The following ADGRV1 variants were observed in gnomAD, a reference collection of about 807,000 sequenced individuals.
ADGRV1 encodes G-protein coupled receptor 98.
Under a neutral mutation model 596.2 loss-of-function variants are expected in ADGRV1, and 359 were observed. The ratio of observed to expected loss-of-function variants is 0.60; its 90% confidence interval spans 0.55 to 0.66. The LOEUF is 0.66. Ranked by LOEUF, ADGRV1 falls within the 30% of genes least tolerant of loss-of-function variation. The probability of loss-of-function intolerance (pLI) is 0.00; values close to 1 mark genes in which losing one functional copy is unlikely to be tolerated. For missense variants in ADGRV1, 7,274 were observed against 7,575.6 expected (o/e 0.96, Z 1.48); for synonymous variants, 2,681 against 2,679.2 (o/e 1.00, Z -0.02).
At chr5:90,807,997 G>C (rs1205107216) in intron 73 of ADGRV1, among the ~76,000 whole-genome samples, 2 of 152,200 alleles carry the variant, frequency 1.3e-5, no homozygotes, top group Non-Finnish European at 2.9e-5. Flanking sequence ...TAAGAGCCAT[G>C]ATGGCAGTTC....
intron 83 of ADGRV1, among the ~76,000 whole-genome samples, chr5:90,891,117 T>G (rs1353264115): frequency 6.7e-6 from 1 of 149,724 alleles, no homozygotes; most frequent in Non-Finnish European, 1.5e-5. Flanking sequence ...TTTGAAAAAA[T>G]ATGGAAAATT....
chr5:91,044,129 A>T (rs2151285718), intron 85 of ADGRV1, among the ~76,000 whole-genome samples: 1 of 152,266 alleles, frequency 6.6e-6, no homozygotes, highest in East Asian at 1.9e-4. Flanking sequence ...GAATCTCTCT[A>T]TCAGAACTCT....
chr5:91,048,416 CCT>C (rs2033515247), intron 85 of ADGRV1, among the ~76,000 whole-genome samples: 1 of 152,222 alleles, frequency 6.6e-6, no homozygotes, highest in African/African-American at 2.4e-5. Context: ...AACCTAACCA[CCT>C]CTTTTTCTAG....
intron 61 of ADGRV1, among the ~76,000 whole-genome samples, chr5:90,776,894 G>A (rs1037699687): frequency 6.6e-6 from 1 of 152,092 alleles, no homozygotes; most frequent in Admixed American, 6.6e-5. Flanking sequence ...TGTGATATAA[G>A]GGAGTTATTT....
intron 60 of ADGRV1, among the ~76,000 whole-genome samples, chr5:90,774,764 T>G (rs1758048488): frequency 6.6e-6 from 1 of 152,206 alleles, no homozygotes; most frequent in Admixed American, 6.5e-5. Flanking sequence ...ACATGCTAAA[T>G]GTAATCTGTT....
At chr5:90,715,982 G>A (rs1284352593) in intron 42 of ADGRV1, among the ~76,000 whole-genome samples, 1 of 152,132 alleles carries the variant, frequency 6.6e-6, no homozygotes, top group Non-Finnish European at 1.5e-5. Flanking sequence ...TACTCAGCTT[G>A]CTTTGTGTTC....
intron 83 of ADGRV1, among the ~76,000 whole-genome samples, chr5:90,956,160 G>C: frequency 6.6e-6 from 1 of 152,024 alleles, no homozygotes; most frequent in East Asian, 1.9e-4. Flanking sequence ...ATTTTCAATT[G>C]ATAACTTATG....
rs4916817 is a variant in ADGRV1 at position 90,738,508 on chromosome 5, A to G, written c.10550-6538A>G. 9.1e-3 allele frequency among the ~76,000 whole-genome samples: 1,392 copies of G among 152,258 alleles called. 53 individuals carry two copies. The highest frequency in any genetic ancestry group is 0.061 in the Admixed American group (940 of 15,298). ...CTATAGAGCAGGCCGAGTGGTAACA[A>G]ACTCTCTTAGCTTTTGTCTGGGAAA... On this transcript the variant is annotated intron_variant, in intron 50 of 89. Coordinates refer to ENST00000405460, the MANE Select transcript of ADGRV1 (RefSeq NM_032119.4).
intron 85 of ADGRV1, among the ~76,000 whole-genome samples, chr5:90,991,197 A>G (rs1164400451): frequency 6.6e-6 from 1 of 152,222 alleles, no homozygotes; most frequent in Non-Finnish European, 1.5e-5. Flanking sequence ...ATAAATGTCA[A>G]TAACAGTAAA....
chr5:90,629,468 A>T lies in ADGRV1; in HGVS notation c.1768A>T (p.Thr590Ser). 1 of 1,613,492 alleles carries T rather than the reference A, an allele frequency of 6.2e-7. No homozygotes were observed. Residue 590 changes from threonine to serine, a missense_variant, in exon 9 of 90, where the codon ACT (threonine) becomes TCT (serine). Transcript: ENST00000405460. ...TGACCTCATTTTTCCAGAGCAAAAA[A>T]CTCAAGTCACTACAAAATTACCAAT... The part of the protein sequence containing the change: ...RNDLIFPEQK[T>S]QVTTKLPIRN...
At chr5:91,000,248 C>A (rs1290569408) in intron 85 of ADGRV1, among the ~76,000 whole-genome samples, 2 of 152,032 alleles carry the variant, frequency 1.3e-5, no homozygotes, top group Admixed American at 6.6e-5. Context: ...TATACCTCAG[C>A]ATTTTTTAAT....
chr5:91,025,420 A>G (rs1391604759), intron 85 of ADGRV1, among the ~76,000 whole-genome samples: 1 of 152,136 alleles, frequency 6.6e-6, no homozygotes, highest in Admixed American at 6.6e-5. Flanking sequence ...ATGCATAACT[A>G]CTACCCAAAA....
rs367988858 is a variant in ADGRV1, at chr5:90,694,183, A to G, written c.7427A>G (p.Asn2476Ser). ...TCATGGATCAGCCCAGCTGTCAACA[A>G]TTCAGACTTCTGGACCTACAGGAAA... Reference protein sequence around the residue: ...MTSWISPAVNNSDFWTYRKNM... With the variant: ...MTSWISPAVNSSDFWTYRKNM... Residue 2476 changes from asparagine to serine, a missense_variant, in exon 33 of 90, where the codon AAT (asparagine) becomes AGT (serine). Around this residue, in one of 5 missense-constraint regions of ADGRV1, gnomAD observed 3,643 missense variants for 3,809.2 expected, o/e 0.96. Transcript: ENST00000405460. 6.8e-6 allele frequency: 11 copies of G among 1,613,898 alleles called. No homozygotes were observed. The highest frequency in any genetic ancestry group is 1.1e-5 in the South Asian group (1 of 91,084).
intron 75 of ADGRV1, among the ~76,000 whole-genome samples, chr5:90,815,972 T>C (rs1433520839): frequency 6.6e-6 from 1 of 152,208 alleles, no homozygotes; most frequent in Non-Finnish European, 1.5e-5. Context: ...TATCAGACTA[T>C]GTAGGTCATC....
Position 90,635,279 on chromosome 5 carries a change from G to C in ADGRV1, c.2005G>C (p.Ala669Pro), listed in dbSNP as rs1480960138. The change falls in exon 10 of 90, where the codon GCT (alanine) becomes CCT (proline). Residue 669 changes from alanine to proline, a missense_variant. By Grantham distance (27) the Ala-to-Pro change is conservative. Around this residue, in one of 5 missense-constraint regions of ADGRV1, gnomAD observed 1,715 missense variants for 1,708.8 expected, o/e 1.00. Transcript: ENST00000405460. ...PIILHEPEDF[A>P]AEVVYIPLHR... is the part of the protein sequence containing the mutation. ...TATTTTGCATGAACCAGAAGATTTT[G>C]CTGCTGAAGTGGTAAGTAGGCTCTT... 1 of 1,610,580 alleles carries C rather than the reference G, an allele frequency of 6.2e-7. No homozygotes were observed. The highest frequency in any genetic ancestry group is 8.5e-7 in the Non-Finnish European group (1 of 1,178,404).
Position 91,163,888 on chromosome 5 carries a change from C to T in ADGRV1, c.18909C>T (p.Asp6303=), listed in dbSNP as rs1414239664. ...IVELRRIPIA[D]THL ...AGCTCAGGAGGATACCCATCGCCGACACTCACCTGTAGCACCTCACTAACC... is the reference window on the plus strand; with the variant it reads ...AGCTCAGGAGGATACCCATCGCCGATACTCACCTGTAGCACCTCACTAACC... The change falls in exon 90 of 90, where the codon GAC becomes GAT. Residue 6303 remains aspartate, a synonymous_variant. Transcript: ENST00000405460. The T allele has an allele frequency of 1.9e-6, 3 of 1,541,592 alleles. No homozygotes were observed. Among genetic ancestry groups the T allele is most frequent in the Non-Finnish European group, 1.8e-6 (2 of 1,116,820 alleles).
At chr5:90,813,867 A>G (rs1762674882) in intron 74 of ADGRV1, among the ~76,000 whole-genome samples, 1 of 152,218 alleles carries the variant, frequency 6.6e-6, no homozygotes, top group African/African-American at 2.4e-5. Flanking sequence ...GTCAGGGAAA[A>G]AATAGTTTAT....
At chr5:90,880,517 T>C (rs1379068456) in intron 83 of ADGRV1, among the ~76,000 whole-genome samples, 1 of 152,218 alleles carries the variant, frequency 6.6e-6, no homozygotes, top group African/African-American at 2.4e-5. Flanking sequence ...AAGTAGGACA[T>C]TGACTGACAT....
At chr5:90,587,260 G>A (rs937704238) in intron 1 of ADGRV1, among the ~76,000 whole-genome samples, 4 of 152,112 alleles carry the variant, frequency 2.6e-5, no homozygotes, top group African/African-American at 7.2e-5. Flanking sequence ...TGCTCAAGAT[G>A]TTCAGGTTTA....
Sources: gnomAD v4.1 joint callset for allele counts (sites outside exome capture counted in the v4.1 genomes callset) on GRCh38, gnomAD v4.1.1 for gene constraint, gnomAD v4.1.1 regional missense constraint, MANE v1.5 for transcripts, NCBI Gene and HGNC (gene_info 2026-07-23, HGNC 2026-07-21) for gene names.